Variants in DPP4 observed in about 807,000 individuals in gnomAD.
DPP4 encodes dipeptidyl peptidase 4.
DPP4 carries 93 observed loss-of-function variants against 122.4 expected under a neutral mutation model. That is an observed-to-expected ratio of 0.76 (90% CI 0.64 to 0.90). The LOEUF (loss-of-function observed/expected upper bound fraction) is 0.90. Ranked by LOEUF, DPP4 falls within the 40% of genes least tolerant of loss-of-function variation. DPP4 has a pLI of 0.00. For missense variants in DPP4, 914 were observed against 907.3 expected, an observed-to-expected ratio of 1.01 and a Z score of -0.09; for synonymous variants, 321 against 302.9, an observed-to-expected ratio of 1.06 and a Z score of -0.62.
chr2:161,993,844 G>T lies in DPP4; in HGVS notation c.2200-460C>A, dbSNP rs1388732309. Reference sequence around the variant, plus strand: ...TAAGATAAACTGTATTAAACTAAATGATTTTTTTTAAAGCAATATTGCCTA... The same window carrying T: ...TAAGATAAACTGTATTAAACTAAATTATTTTTTTTAAAGCAATATTGCCTA... On this transcript the variant is annotated intron_variant, in intron 25 of 25. Transcript: ENST00000360534. Among the ~76,000 whole-genome samples the T allele has an allele frequency of 2.7e-5, 4 of 150,424 alleles. No individual in the cohort carries two copies. In the East Asian group the frequency reaches 7.7e-4, roughly 29 times the overall value.
Position 162,035,303 on chromosome 2 carries a change from G to C in DPP4, c.635C>G (p.Ser212Cys). ...GCCGTTTGGAGACCACCACAGAGCA[G>C]AGTAGGCACTGAAGACTTCCTCTGA... ...VYEEEVFSAY[S>C]ALWWSPNGTF... Residue 212 changes from serine to cysteine, a missense_variant, in exon 9 of 26, where the codon TCT becomes TGT. Coordinates refer to ENST00000360534, the MANE Select transcript of DPP4 (RefSeq NM_001935.4). The C allele has an allele frequency of 6.2e-7, 1 of 1,612,694 alleles. No homozygotes were observed. Among genetic ancestry groups the C allele is most frequent in the South Asian group, 1.1e-5 (1 of 90,672 alleles).
chr2:162,073,624 G>C, intron 1 of DPP4, 138 bp from the exon 2 acceptor site: 2 of 818,950 alleles, frequency 2.4e-6, no homozygotes, highest in Non-Finnish European at 4.1e-6. Context: ...GGCTGGGGGT[G>C]GGGGTGGCGT....
In DPP4 at chr2:161,993,382, C is replaced by G; in HGVS notation, c.2202G>C (p.Trp734Cys). The G allele has an allele frequency of 6.2e-7, 1 of 1,605,500 alleles. No homozygotes were observed. The highest frequency in any genetic ancestry group is 8.5e-7 in the Non-Finnish European group (1 of 1,173,084). Residue 734 changes from tryptophan to cysteine, a missense_variant and splice_region_variant, in exon 26 of 26, where the codon TGG becomes TGC. Transcript: ENST00000360534. ...VDVGVDFQAM[W>C]YTDEDHGIAS... ...CTATTCCATGGTCTTCATCAGTATACCACTAGAGAGAGAAAGAAAAGAAGT... is the reference window on the plus strand; with the variant it reads ...CTATTCCATGGTCTTCATCAGTATAGCACTAGAGAGAGAAAGAAAAGAAGT...
At position 162,045,162 on chromosome 2, in the gene DPP4, C is replaced by G. The variant is rs17848917; in HGVS notation, c.366+370G>C. On this transcript the variant is annotated intron_variant, in intron 5 of 25. Transcript: ENST00000360534. ...TTAAAAACACATATCTATGGAGGCT[C>G]TTACTATACATAAAGCTGTGACAAA... is the stretch of plus-strand genomic sequence containing the variant. Among the ~76,000 whole-genome samples, 26 of 152,094 alleles carry G rather than the reference C, an allele frequency of 1.7e-4. No individual in the cohort carries two copies. In the South Asian group the frequency reaches 5.4e-3, roughly 32 times the overall value.
At chr2:162,018,638 A>G in intron 16 of DPP4, 91 bp downstream of exon 16, 1 of 1,488,436 alleles carries the variant, frequency 6.7e-7, no homozygotes, top group African/African-American at 1.4e-5. Flanking sequence ...GGTGATTTCA[A>G]GAGCTCCTCA....
chr2:162,005,162 C>T (rs1701252019), intron 23 of DPP4, among the ~76,000 whole-genome samples: 1 of 152,206 alleles, frequency 6.6e-6, no homozygotes, highest in Admixed American at 6.5e-5. Context: ...ATTTTAAATG[C>T]TATAGCCCAT....
At chr2:162,052,621 C>A (rs1245189207) in intron 2 of DPP4, among the ~76,000 whole-genome samples, 1 of 152,116 alleles carries the variant, frequency 6.6e-6, no homozygotes, top group Non-Finnish European at 1.5e-5. Flanking sequence ...GTTGCTGTTA[C>A]AGATACCTAA....
intron 20 of DPP4, among the ~76,000 whole-genome samples, 182 bp downstream of exon 20, chr2:162,011,611 A>C (rs1174045239): frequency 6.6e-6 from 1 of 152,116 alleles, no homozygotes; most frequent in Non-Finnish European, 1.5e-5. Context: ...CTTCATATCA[A>C]TCTATAATGT....
chr2:162,023,695 T>C (rs1195260594), intron 11 of DPP4, among the ~76,000 whole-genome samples: 1 of 152,144 alleles, frequency 6.6e-6, no homozygotes, highest in Non-Finnish European at 1.5e-5. Flanking sequence ...TGTACCTTGG[T>C]TGAACCCTTT....
At chr2:162,067,480 C>T (rs1046060588) in intron 2 of DPP4, among the ~76,000 whole-genome samples, 2 of 152,162 alleles carry the variant, frequency 1.3e-5, no homozygotes, top group African/African-American at 4.8e-5. Context: ...CTCTGCCTTA[C>T]ATTACCTCCT....
At chr2:162,042,621 T>TA (rs777356455) in intron 5 of DPP4, among the ~76,000 whole-genome samples, 1,759 of 140,058 alleles carry the variant, frequency 0.013, 26 homozygotes, top group Non-Finnish European at 0.014. Context: ...CTCTTGAAAG[T>TA]AAAAAAAAAA....
At chr2:162,019,138 A>G (rs1683028271) in intron 15 of DPP4, 85 bp downstream of exon 15, 2 of 1,241,932 alleles carry the variant, frequency 1.6e-6, no homozygotes, top group Non-Finnish European at 2.3e-6. Flanking sequence ...AATATTAGTT[A>G]GGACAAGGCA....
chr2:162,045,670 T>A, intron 4 of DPP4, 58 bp from the exon 5 acceptor site: 1 of 1,251,024 alleles, frequency 8.0e-7, no homozygotes, highest in South Asian at 1.2e-5. Flanking sequence ...GCCATCACTG[T>A]GCACTTACTT....
intron 12 of DPP4, 119 bp from the exon 13 acceptor site, chr2:162,020,807 G>A: frequency 6.9e-6 from 4 of 576,120 alleles, no homozygotes; most frequent in South Asian, 3.7e-5. Flanking sequence ...CCATTTATAT[G>A]CCAAATTAAA....
In DPP4 at chr2:162,074,012, G is replaced by T; in HGVS notation, c.-31C>A. 6.2e-7 allele frequency: 1 copy of T among 1,609,464 alleles called. No individual in the cohort carries two copies. The highest frequency in any genetic ancestry group is 1.3e-5 in the African/African-American group (1 of 74,974). On this transcript the variant is annotated 5_prime_UTR_variant, in exon 1 of 26. In the 5' UTR this introduces an upstream ATG that the reference lacks. Transcript: ENST00000360534. The stretch of plus-strand genomic sequence containing the variant: ...GCGTCTCCTCGGAAGTGAGCGTTCA[G>T]AGAAGGAGCGCAGGCAGAAGTCACC...
At chr2:162,043,797 G>A (rs1686701813) in intron 5 of DPP4, among the ~76,000 whole-genome samples, 1 of 152,184 alleles carries the variant, frequency 6.6e-6, no homozygotes, top group Non-Finnish European at 1.5e-5. Flanking sequence ...GGAAACTGAG[G>A]TGGGAGAATC....
chr2:162,013,616 T>C (rs1189966267), intron 19 of DPP4, among the ~76,000 whole-genome samples: 1 of 151,998 alleles, frequency 6.6e-6, no homozygotes, highest in Non-Finnish European at 1.5e-5. Flanking sequence ...ACTTACTATA[T>C]GGGTTTGTTG....
At chr2:162,057,529 TGCACCCAGCA>T (rs1364120195) in intron 2 of DPP4, among the ~76,000 whole-genome samples, 1 of 152,218 alleles carries the variant, frequency 6.6e-6, no homozygotes, top group Non-Finnish European at 1.5e-5. Flanking sequence ...GCTGACAGCA[TGCACCCAGCA>T]GTAGCACCTG....
chr2:162,068,763 G>A (rs1685026690), intron 2 of DPP4, among the ~76,000 whole-genome samples: 1 of 152,146 alleles, frequency 6.6e-6, no homozygotes, highest in South Asian at 2.1e-4. Context: ...TCAAAAGCTT[G>A]AGATGTCAGT....
Sources: allele counts gnomAD v4.1 joint callset (sites outside exome capture counted in the v4.1 genomes callset), GRCh38; gene constraint gnomAD v4.1.1; transcripts MANE v1.5; gene names NCBI Gene and HGNC (gene_info 2026-07-23, HGNC 2026-07-21).